The following CRYBG1 variants were observed in gnomAD, a reference collection of about 807,000 sequenced individuals.
CRYBG1 encodes the protein crystallin beta-gamma domain containing 1, also known as beta/gamma crystallin domain-containing protein 1.
Under a neutral mutation model 189.2 loss-of-function variants are expected in CRYBG1, and 139 were observed. The observed-to-expected ratio is 0.73, with a 90% CI of 0.64 to 0.85. The LOEUF is 0.85. Ranked by LOEUF, CRYBG1 falls within the 40% of genes least tolerant of loss-of-function variation. CRYBG1 has a pLI of 0.00. For missense variants in CRYBG1, 2,611 were observed against 2,675.8 expected (o/e 0.98, Z 0.53); for synonymous variants, 1,023 against 1,017.1 (o/e 1.01, Z -0.11).
At chr6:106,482,261 A>G (rs551851193) in intron 2 of CRYBG1, among the ~76,000 whole-genome samples, 1 of 152,324 alleles carries the variant, frequency 6.6e-6, no homozygotes, top group East Asian at 1.9e-4. Context: ...ACCTCTTTCA[A>G]AGGGCTCACC....
Position 106,560,899 on chromosome 6 carries a change from A to G in CRYBG1, c.5952A>G (p.Gln1984=), listed in dbSNP as rs759810375. ...PNWYEFSGCR[Q]IGSLRPFVQK... ...GGTATGAATTCAGTGGCTGTCGCCA[A>G]ATAGGTTCTCTACGACCTTTTGTTC... Residue 1984 remains glutamine (Q), a synonymous_variant, in exon 19 of 22, where the codon CAA becomes CAG. Coordinates refer to ENST00000633556, the MANE Select transcript of CRYBG1 (RefSeq NM_001371242.2). 1 of 1,612,610 alleles carries G rather than the reference A, an allele frequency of 6.2e-7. No individual in the cohort carries two copies. The highest frequency in any genetic ancestry group is 2.2e-5 in the East Asian group (1 of 44,762).
At chr6:106,425,983 G>A (rs1320022252) in intron 1 of CRYBG1, among the ~76,000 whole-genome samples, 1 of 152,116 alleles carries the variant, frequency 6.6e-6, no homozygotes, top group Non-Finnish European at 1.5e-5. Context: ...TGGGCCCTAA[G>A]TGCTGACCTT....
intron 1 of CRYBG1, among the ~76,000 whole-genome samples, chr6:106,378,247 C>G (rs561822018): frequency 3.3e-5 from 5 of 152,332 alleles, no homozygotes; most frequent in Admixed American, 1.3e-4. Context: ...TACCTTGTGT[C>G]CATTCTAATC....
chr6:106,383,036 A>G (rs1256799800), intron 1 of CRYBG1, among the ~76,000 whole-genome samples: 7 of 152,222 alleles, frequency 4.6e-5, no homozygotes, highest in African/African-American at 7.2e-5. Context: ...AAAGGCAAGT[A>G]AGTAATCAAG....
chr6:106,412,184 A>T (rs1329620903), intron 1 of CRYBG1, among the ~76,000 whole-genome samples: 1 of 152,244 alleles, frequency 6.6e-6, no homozygotes, highest in Non-Finnish European at 1.5e-5. Context: ...TTTGTGTAGG[A>T]AGCCCAGTTT....
At chr6:106,564,645 G>A (rs1008425821) in intron 21 of CRYBG1, among the ~76,000 whole-genome samples, 10 of 152,130 alleles carry the variant, frequency 6.6e-5, no homozygotes, top group African/African-American at 2.2e-4. Context: ...AAGTTCCCAG[G>A]TGTTGCCAAT....
chr6:106,463,799 C>T (rs1028188769), intron 2 of CRYBG1, among the ~76,000 whole-genome samples: 1 of 152,108 alleles, frequency 6.6e-6, no homozygotes, highest in Non-Finnish European at 1.5e-5. Context: ...GTTAGTGGAC[C>T]TTTGATGTCA....
intron 10 of CRYBG1, among the ~76,000 whole-genome samples, chr6:106,542,018 C>T (rs1359692612): frequency 2.0e-5 from 3 of 152,078 alleles, no homozygotes; most frequent in Non-Finnish European, 4.4e-5. Flanking sequence ...TCCCAATTCC[C>T]ACATCGATGC....
At position 106,512,454 on chromosome 6, in the gene CRYBG1, C is replaced by T. The variant is rs1562096109; in HGVS notation, c.1337C>T (p.Ala446Val). The change falls in exon 3 of 22, where the codon GCG becomes GTG. Residue 446 changes from alanine (A) to valine (V), a missense_variant. Physicochemically the swap from Ala to Val is moderately conservative, Grantham distance 64. Around this residue, in one of 3 missense-constraint regions of CRYBG1, gnomAD observed 985 missense variants for 924.4 expected, o/e 1.07. Coordinates refer to ENST00000633556, the MANE Select transcript of CRYBG1 (RefSeq NM_001371242.2). ...CCTGAGAGCGCTGCCAGGGACGACGCGGTGTTCGACGACGAGGTGGCGCCA... is the reference window on the plus strand; with the variant it reads ...CCTGAGAGCGCTGCCAGGGACGACGTGGTGTTCGACGACGAGGTGGCGCCA... ...ELPESAARDDAVFDDEVAPNA... is the reference protein window; with the variant it reads ...ELPESAARDDVVFDDEVAPNA... 6.2e-7 allele frequency: 1 copy of T among 1,610,826 alleles called. No individual in the cohort carries two copies. Among genetic ancestry groups the T allele is most frequent in the Admixed American group, 1.7e-5 (1 of 59,752 alleles).
intron 1 of CRYBG1, among the ~76,000 whole-genome samples, chr6:106,371,991 G>A (rs1387970556): frequency 3.9e-5 from 6 of 152,196 alleles, no homozygotes; most frequent in African/African-American, 1.4e-4. Context: ...GTAGAGAGGC[G>A]ATGTCTCCAT....
intron 1 of CRYBG1, among the ~76,000 whole-genome samples, chr6:106,415,125 A>G (rs1770998596): frequency 6.6e-6 from 1 of 152,186 alleles, no homozygotes; most frequent in Non-Finnish European, 1.5e-5. Flanking sequence ...TTAATATGCA[A>G]AGTCAAAACT....
chr6:106,528,949 C>CTT (rs1433656973), intron 7 of CRYBG1, among the ~76,000 whole-genome samples: 8 of 141,246 alleles, frequency 5.7e-5, no homozygotes, highest in South Asian at 4.5e-4. Context: ...TTATAATTTT[C>CTT]TTTTTTTTTT....
At chr6:106,508,581 T>C (rs1773178798) in intron 2 of CRYBG1, among the ~76,000 whole-genome samples, 1 of 152,226 alleles carries the variant, frequency 6.6e-6, no homozygotes, top group South Asian at 2.1e-4. Flanking sequence ...AATGTAACCA[T>C]ACAGTATGTA....
intron 2 of CRYBG1, among the ~76,000 whole-genome samples, chr6:106,457,671 C>T (rs1001048518): frequency 6.6e-6 from 1 of 152,110 alleles, no homozygotes; most frequent in Non-Finnish European, 1.5e-5. Context: ...CTACCTTGTC[C>T]CAAATTTCTG....
At chr6:106,423,251 GTTT>G (rs5878887) in intron 1 of CRYBG1, among the ~76,000 whole-genome samples, 7 of 80,860 alleles carry the variant, frequency 8.7e-5, no homozygotes, top group Non-Finnish European at 1.6e-4. Flanking sequence ...GAGTTGGCTG[GTTT>G]TTTTTTTTTT....
chr6:106,422,336 A>ATTTTTTTTTTTTTTTTTTTTT, intron 1 of CRYBG1, among the ~76,000 whole-genome samples: 1 of 100,768 alleles, frequency 9.9e-6, no homozygotes, highest in African/African-American at 3.6e-5. Context: ...TTATTTATTT[A>ATTTTTTTTTTTTTTTTTTTTT]TTTATTTATT....
At chr6:106,422,567 A>G (rs981692700) in intron 1 of CRYBG1, among the ~76,000 whole-genome samples, 4 of 80,828 alleles carry the variant, frequency 4.9e-5, no homozygotes, top group South Asian at 5.0e-4. Context: ...TTCTGGCCTC[A>G]AGTAATCCAC....
At chr6:106,458,448 C>T (rs931456755) in intron 2 of CRYBG1, among the ~76,000 whole-genome samples, 1 of 152,138 alleles carries the variant, frequency 6.6e-6, no homozygotes, top group Non-Finnish European at 1.5e-5. Flanking sequence ...TTGCCACTTA[C>T]CTTGAATGTA....
At chr6:106,442,228 G>A (rs905408430) in intron 1 of CRYBG1, among the ~76,000 whole-genome samples, 3 of 152,194 alleles carry the variant, frequency 2.0e-5, no homozygotes, top group African/African-American at 7.2e-5. Context: ...TTCTGGAAAT[G>A]CCATGAAGTA....
Sources: gnomAD v4.1 joint callset for allele counts (sites outside exome capture counted in the v4.1 genomes callset) on GRCh38, gnomAD v4.1.1 for gene constraint, gnomAD v4.1.1 regional missense constraint, MANE v1.5 for transcripts, NCBI Gene and HGNC (gene_info 2026-07-23, HGNC 2026-07-21) for gene names.